The following ABCC1 variants were observed in gnomAD, a reference collection of about 807,000 sequenced individuals.
The protein encoded by ABCC1 is multidrug resistance-associated protein 1.
Under a neutral mutation model 172.9 loss-of-function variants are expected in ABCC1, and 83 were observed. The ratio of observed to expected loss-of-function variants is 0.48; its 90% CI spans 0.40 to 0.58. The LOEUF (loss-of-function observed/expected upper bound fraction) is 0.58. Among genes scored for constraint, ABCC1 ranks in the 20% least tolerant of loss-of-function variants. The pLI, the probability that ABCC1 is intolerant of heterozygous loss-of-function variation, is 0.00. For synonymous variants in ABCC1, 937 were observed against 825.2 expected, an observed-to-expected ratio of 1.14 and a Z score of -2.32; for missense variants, 1,817 against 2,002.7, an observed-to-expected ratio of 0.91 and a Z score of 1.77.
chr16:16,124,957 A>T, intron 25 of ABCC1, 42 bp downstream of exon 25: 2 of 1,612,732 alleles, frequency 1.2e-6, no homozygotes, highest in Non-Finnish European at 1.7e-6. Context: ...AAGTCTGTTA[A>T]TGGGGGAGCC....
intron 1 of ABCC1, among the ~76,000 whole-genome samples, chr16:16,004,921 T>C (rs2047468462): frequency 6.6e-6 from 1 of 152,070 alleles, no homozygotes; most frequent in Non-Finnish European, 1.5e-5. Context: ...TGCCTAGGCC[T>C]CCCAAAGTGC....
At chr16:15,993,603 C>T (rs757426001) in intron 1 of ABCC1, among the ~76,000 whole-genome samples, 33 of 152,070 alleles carry the variant, frequency 2.2e-4, no homozygotes, top group Non-Finnish European at 4.3e-4. Flanking sequence ...AGGATGGCCC[C>T]CGACAACCAA....
rs376534345 is a variant in ABCC1, at chr16:16,138,395, C to G, written c.4324C>G (p.Arg1442Gly). ...GCAGCGCCAGCTTGTGTGCCTAGCC[C>G]GGGCCCTGCTGAGGAAGACGAAGAT... is the stretch of plus-strand genomic sequence containing the variant. ...VGQRQLVCLA[R>G]ALLRKTKILV... The change falls in exon 30 of 31, where the codon CGG becomes GGG. Residue 1442 changes from arginine (R) to glycine (G), a missense_variant. By Grantham distance (125) the Arg-to-Gly change is moderately radical (BLOSUM62 -2). Coordinates refer to ENST00000399410, the MANE Select transcript of ABCC1 (RefSeq NM_004996.4). The G allele has an allele frequency of 1.9e-6, 3 of 1,603,328 alleles. No individual in the cohort carries two copies. The highest frequency in any genetic ancestry group is 2.6e-6 in the Non-Finnish European group (3 of 1,171,446).
intron 20 of ABCC1, chr16:16,106,439 C>T (rs929852371): frequency 1.8e-5 from 3 of 167,508 alleles, no homozygotes; most frequent in Non-Finnish European, 3.5e-5. Flanking sequence ...AAAGCACGCA[C>T]TTTTTATATA....
At chr16:16,003,188 G>A (rs1277174030) in intron 1 of ABCC1, among the ~76,000 whole-genome samples, 1 of 151,852 alleles carries the variant, frequency 6.6e-6, no homozygotes, top group African/African-American at 2.4e-5. Context: ...GAATTGGTAG[G>A]TGGGTAGGGT....
At chr16:15,983,599 A>G (rs1003657886) in intron 1 of ABCC1, among the ~76,000 whole-genome samples, 4 of 132,866 alleles carry the variant, frequency 3.0e-5, no homozygotes, top group Non-Finnish European at 4.6e-5. Context: ...TCTGTCTCCC[A>G]GGCTGGAGAG....
At chr16:16,025,354 C>G (rs1157254293) in intron 5 of ABCC1, among the ~76,000 whole-genome samples, 2 of 152,194 alleles carry the variant, frequency 1.3e-5, no homozygotes, top group Non-Finnish European at 2.9e-5. Context: ...GCTTGAAACA[C>G]AGATTGCTGG....
intron 1 of ABCC1, among the ~76,000 whole-genome samples, chr16:15,960,613 G>T (rs1451818015): frequency 6.6e-6 from 1 of 152,072 alleles, no homozygotes; most frequent in Non-Finnish European, 1.5e-5. Context: ...GGAAAAACTG[G>T]GTGAGGTGCA....
intron 22 of ABCC1, among the ~76,000 whole-genome samples, chr16:16,112,465 C>G (rs2044659153): frequency 6.6e-6 from 1 of 152,010 alleles, no homozygotes; most frequent in Non-Finnish European, 1.5e-5. Context: ...CTGGCATTTA[C>G]TGAGCATTTA....
chr16:15,977,729 T>C (rs1011412759), intron 1 of ABCC1, among the ~76,000 whole-genome samples: 3 of 152,160 alleles, frequency 2.0e-5, no homozygotes, highest in African/African-American at 7.2e-5. Context: ...ATTACAGGTG[T>C]GAGCCACTGT....
chr16:16,119,727 C>T (rs1026425848), intron 23 of ABCC1, among the ~76,000 whole-genome samples: 5 of 152,110 alleles, frequency 3.3e-5, no homozygotes, highest in African/African-American at 1.2e-4. Context: ...AAATATTCAT[C>T]TCAGGTTAGA....
chr16:16,033,198 G>A (rs1417116454), intron 6 of ABCC1, 28 bp downstream of exon 6: 11 of 1,602,844 alleles, frequency 6.9e-6, no homozygotes, highest in Admixed American at 3.3e-5. Context: ...AGACCTCAGG[G>A]AGGTGGTGGG....
chr16:16,130,072 ACTT>A (rs1159758581), intron 26 of ABCC1, among the ~76,000 whole-genome samples: 1 of 152,192 alleles, frequency 6.6e-6, no homozygotes, highest in Non-Finnish European at 1.5e-5. Flanking sequence ...GAACTGAACT[ACTT>A]TTCAAAAGGA....
At chr16:16,015,264 C>T (rs1461640878) in intron 4 of ABCC1, among the ~76,000 whole-genome samples, 4 of 152,044 alleles carry the variant, frequency 2.6e-5, no homozygotes, top group East Asian at 1.9e-4. Context: ...CTCAGCCTCC[C>T]CAGTAGCTGG....
At position 16,056,080 on chromosome 16, in the gene ABCC1, G is replaced by T. The variant is rs1489685428; in HGVS notation, c.1474-12G>T. 2 of 1,613,276 alleles carry T rather than the reference G, an allele frequency of 1.2e-6. No individual in the cohort carries two copies. The highest frequency in any genetic ancestry group is 3.3e-5 in the Admixed American group (2 of 60,002). On this transcript the variant is annotated splice_polypyrimidine_tract_variant and intron_variant, in intron 11 of 30. Transcript: ENST00000399410. ...GTCGCCCCAGATGTGTTGACTGCCC[G>T]TCTCTTCCAAGGTGGCCCACATGAA... is the stretch of plus-strand genomic sequence containing the variant.
intron 5 of ABCC1, among the ~76,000 whole-genome samples, chr16:16,020,444 T>C (rs1488176751): frequency 2.0e-5 from 3 of 152,222 alleles, no homozygotes; most frequent in East Asian, 1.9e-4. Flanking sequence ...AGTTAGCCAG[T>C]AGCCCATGGG....
At chr16:16,127,506 A>G (rs538416505) in intron 26 of ABCC1, among the ~76,000 whole-genome samples, 2 of 152,148 alleles carry the variant, frequency 1.3e-5, no homozygotes, top group African/African-American at 2.4e-5. Flanking sequence ...GCCCAGCCCT[A>G]TAATTTAGAT....
intron 5 of ABCC1, 26 bp downstream of exon 5, chr16:16,016,647 T>C (rs752988956): frequency 3.1e-6 from 5 of 1,613,408 alleles, no homozygotes; most frequent in Non-Finnish European, 4.2e-6. Context: ...GATGAGTGTG[T>C]GTGCGTGTGT....
intron 19 of ABCC1, among the ~76,000 whole-genome samples, chr16:16,101,300 TG>T (rs1567403999): frequency 6.6e-6 from 1 of 152,146 alleles, no homozygotes; most frequent in African/African-American, 2.4e-5. Context: ...TTGAAAGTGC[TG>T]GGGATTACAG....
Sources: allele counts gnomAD v4.1 joint callset (sites outside exome capture counted in the v4.1 genomes callset), GRCh38; gene constraint gnomAD v4.1.1; transcripts MANE v1.5; gene names NCBI Gene and HGNC (gene_info 2026-07-23, HGNC 2026-07-21).